The following IWS1 variants were observed in gnomAD, a reference collection of about 807,000 sequenced individuals.
IWS1 encodes protein IWS1 homolog.
IWS1 carries 27 observed loss-of-function variants against 86.7 expected under a neutral mutation model. The observed-to-expected ratio is 0.31, with a 90% CI of 0.23 to 0.43. The LOEUF is 0.43. Among genes scored for constraint, IWS1 ranks in the 20% least tolerant of loss-of-function variants. IWS1 has a pLI of 1.00. For synonymous variants in IWS1, 313 were observed against 335.1 expected (o/e 0.93, Z 0.72); for missense variants, 827 against 1,000.8 (o/e 0.83, Z 2.34).
At chr2:127,481,325 G>C (rs1259622017) in intron 13 of IWS1, 150 bp from the exon 14 acceptor site, 12 of 614,000 alleles carry the variant, frequency 2.0e-5, no homozygotes, top group Non-Finnish European at 2.9e-5. Context: ...GAACAACAAA[G>C]CAAGTATAGA....
At chr2:127,497,659 G>A (rs912827298) in intron 6 of IWS1, among the ~76,000 whole-genome samples, 3 of 152,116 alleles carry the variant, frequency 2.0e-5, no homozygotes, top group African/African-American at 7.2e-5. Flanking sequence ...TTTTTTAAAA[G>A]CATCTTTACG....
At chr2:127,488,770 G>T (rs1690064796) in intron 12 of IWS1, among the ~76,000 whole-genome samples, 1 of 152,082 alleles carries the variant, frequency 6.6e-6, no homozygotes, top group African/African-American at 2.4e-5. Context: ...TACCACCTCA[G>T]GCCCCATACT....
chr2:127,504,408 T>TA (rs1184936943), intron 3 of IWS1, among the ~76,000 whole-genome samples: 26 of 150,924 alleles, frequency 1.7e-4, no homozygotes, highest in African/African-American at 4.9e-4. Flanking sequence ...TCTTCCAGTT[T>TA]TAAAAAAAAA....
intron 8 of IWS1, among the ~76,000 whole-genome samples, chr2:127,493,904 G>C (rs11888796): frequency 6.6e-6 from 1 of 150,588 alleles, no homozygotes; most frequent in Non-Finnish European, 1.5e-5. Flanking sequence ...AATCAGTTAT[G>C]TTAATAGAAA....
intron 13 of IWS1, chr2:127,482,880 G>C (rs542080981): frequency 6.6e-6 from 1 of 152,186 alleles, no homozygotes; most frequent in African/African-American, 2.4e-5. Context: ...TGCTTTACCA[G>C]AGCAAGGCCA....
intron 8 of IWS1, chr2:127,494,431 A>T (rs1275863915): frequency 6.5e-6 from 1 of 152,830 alleles, no homozygotes; most frequent in Non-Finnish European, 1.5e-5. Flanking sequence ...CGGAGAAAAC[A>T]GATGCAATTT....
intron 2 of IWS1, among the ~76,000 whole-genome samples, chr2:127,508,450 G>A (rs567423772): frequency 6.4e-4 from 97 of 152,272 alleles, no homozygotes; most frequent in Admixed American, 1.7e-3. Flanking sequence ...ACCAGCAGAG[G>A]CAATTAAAGC....
chr2:127,516,941 C>T (rs1691809096), intron 2 of IWS1, among the ~76,000 whole-genome samples: 1 of 152,036 alleles, frequency 6.6e-6, no homozygotes, highest in African/African-American at 2.4e-5. Flanking sequence ...TCCCCCACTA[C>T]AATGAAATAA....
chr2:127,524,897 G>A (rs960518830), intron 1 of IWS1, among the ~76,000 whole-genome samples: 43 of 70,678 alleles, frequency 6.1e-4, no homozygotes, highest in Non-Finnish European at 8.6e-4. Context: ...TTTTGTTTTT[G>A]TTTTTTTTGA....
rs977578091 is a variant in IWS1, at chr2:127,503,566, C to T, written c.1230G>A (p.Lys410=). 20 of 1,576,212 alleles carry T rather than the reference C, an allele frequency of 1.3e-5. No individual in the cohort carries two copies. Among genetic ancestry groups the T allele is most frequent in the Non-Finnish European group, 1.7e-5 (20 of 1,161,226 alleles). The change falls in exon 4 of 14, where the codon AAG becomes AAA. Residue 410 remains lysine (K), a synonymous_variant. Coordinates refer to ENST00000295321, the MANE Select transcript of IWS1 (RefSeq NM_017969.3). ...CATCTGCATCAGAGACAACACGACT[C>T]TTCTTTGCTGCTGTTGAAAAAGAAA... ...SEDEEKASAK[K]SRVVSDADDS...
chr2:127,521,754 C>T (rs1484457034), intron 2 of IWS1, among the ~76,000 whole-genome samples: 1 of 152,082 alleles, frequency 6.6e-6, no homozygotes, highest in Non-Finnish European at 1.5e-5. Flanking sequence ...ATTTTTAAGT[C>T]AAATTATAGT....
chr2:127,483,879 A>T (rs1238380002), intron 13 of IWS1, among the ~76,000 whole-genome samples: 1 of 152,186 alleles, frequency 6.6e-6, no homozygotes, highest in Non-Finnish European at 1.5e-5. Flanking sequence ...CGTTATCAGT[A>T]GAAAAAAGAC....
Position 127,492,002 on chromosome 2 carries a change from C to T in IWS1, c.2016G>A (p.Arg672=). The change falls in exon 10 of 14, where the codon AGG becomes AGA. Residue 672 remains arginine, a synonymous_variant. Coordinates refer to ENST00000295321, the MANE Select transcript of IWS1 (RefSeq NM_017969.3). ...MYLYKHPKES[R]SNKDMAGKLI... ...ATTTCCCTGCCATGTCCTTGTTAGA[C>T]CTTGACTCCTTGGGGTGTTTATAGA... is the stretch of plus-strand genomic sequence containing the variant. The T allele has an allele frequency of 6.2e-7, 1 of 1,613,198 alleles. No homozygotes were observed. The highest frequency in any genetic ancestry group is 8.5e-7 in the Non-Finnish European group (1 of 1,179,238).
chr2:127,511,908 C>T (rs1321078411), intron 2 of IWS1, among the ~76,000 whole-genome samples: 1 of 152,204 alleles, frequency 6.6e-6, no homozygotes, highest in African/African-American at 2.4e-5. Flanking sequence ...AGGATGCTTT[C>T]CTTATACTAA....
At chr2:127,515,509 G>A (rs1558767261) in intron 2 of IWS1, among the ~76,000 whole-genome samples, 2 of 152,310 alleles carry the variant, frequency 1.3e-5, no homozygotes, top group East Asian at 3.9e-4. Context: ...TAACAGACAA[G>A]AGAAGCATAA....
Position 127,510,277 on chromosome 2 carries a change from A to G in IWS1, c.151-4525T>C, listed in dbSNP as rs531645571. Among the ~76,000 whole-genome samples, 6 of 152,336 alleles carry G rather than the reference A, an allele frequency of 3.9e-5. No individual in the cohort carries two copies. In the East Asian group the frequency reaches 1.2e-3, roughly 29 times the overall value. On this transcript the variant is annotated intron_variant, in intron 2 of 13. Transcript: ENST00000295321. ...TCTGAGAAACCCTGCAGTAAAATAC[A>G]TAATGCTGTCAATCCAATGTAGTTC...
chr2:127,502,240 G>A (rs771738108), intron 5 of IWS1, among the ~76,000 whole-genome samples: 1 of 152,086 alleles, frequency 6.6e-6, no homozygotes, highest in Admixed American at 6.6e-5. Context: ...TCCAGGGTAT[G>A]GGGTTTACAA....
At chr2:127,514,528 C>T (rs1051744779) in intron 2 of IWS1, 1 of 152,432 alleles carries the variant, frequency 6.6e-6, no homozygotes, top group African/African-American at 2.4e-5. Flanking sequence ...TGTAATATGC[C>T]CCTGCTCACC....
intron 2 of IWS1, among the ~76,000 whole-genome samples, chr2:127,507,909 T>C (rs983891595): frequency 2.0e-5 from 3 of 152,244 alleles, no homozygotes; most frequent in Non-Finnish European, 2.9e-5. Context: ...TTTAAAATAA[T>C]GTGTAAAATT....
Sources: gnomAD v4.1 joint callset for allele counts (sites outside exome capture counted in the v4.1 genomes callset) on GRCh38, gnomAD v4.1.1 for gene constraint, MANE v1.5 for transcripts, NCBI Gene and HGNC (gene_info 2026-07-23, HGNC 2026-07-21) for gene names.